SPATS2: variants seen among roughly 807,000 people sequenced by gnomAD.
SPATS2 encodes spermatogenesis-associated serine-rich protein 2.
In SPATS2, 38 loss-of-function variants were observed where a neutral mutation model predicts 63.7. The observed-to-expected ratio is 0.60, with a 90% CI of 0.46 to 0.78. SPATS2 has a LOEUF of 0.78. Among genes scored for constraint, SPATS2 ranks in the 30% least tolerant of loss-of-function variants. The pLI is 0.00. For synonymous variants in SPATS2, 207 were observed against 232.9 expected, an observed-to-expected ratio of 0.89 and a Z score of 1.01; for missense variants, 588 against 666.2, an observed-to-expected ratio of 0.88 and a Z score of 1.29.
intron 2 of SPATS2, among the ~76,000 whole-genome samples, chr12:49,403,975 TTGCTGGA>T (rs1944652255): frequency 6.6e-6 from 1 of 152,048 alleles, no homozygotes; most frequent in South Asian, 2.1e-4. Context: ...GAAACAGCTG[TTGCTGGA>T]TGTGAGACTT....
At chr12:49,372,837 G>A (rs1376914952) in intron 2 of SPATS2, among the ~76,000 whole-genome samples, 1 of 151,948 alleles carries the variant, frequency 6.6e-6, no homozygotes, top group African/African-American at 2.4e-5. Flanking sequence ...CTCCCTCCTT[G>A]TACAGTATGC....
chr12:49,503,721 C>T (rs772982411), intron 9 of SPATS2, among the ~76,000 whole-genome samples: 4 of 152,116 alleles, frequency 2.6e-5, no homozygotes, highest in African/African-American at 7.2e-5. Flanking sequence ...AGCCTCTGGT[C>T]TCCATGATTG....
At chr12:49,416,719 A>G (rs949033499) in intron 2 of SPATS2, among the ~76,000 whole-genome samples, 1 of 152,006 alleles carries the variant, frequency 6.6e-6, no homozygotes, top group Non-Finnish European at 1.5e-5. Flanking sequence ...CCCTGACCTC[A>G]AATGATTTGC....
intron 2 of SPATS2, among the ~76,000 whole-genome samples, chr12:49,414,675 GC>G (rs1366799466): frequency 6.6e-6 from 1 of 151,836 alleles, no homozygotes; most frequent in African/African-American, 2.4e-5. Context: ...TGTGATCATA[GC>G]TCACTGCAGC....
chr12:49,473,590 C>G (rs1946074800), intron 3 of SPATS2, among the ~76,000 whole-genome samples: 1 of 152,184 alleles, frequency 6.6e-6, no homozygotes, highest in South Asian at 2.1e-4. Flanking sequence ...CACCGTAACA[C>G]TTGTACAAGA....
intron 8 of SPATS2, among the ~76,000 whole-genome samples, chr12:49,497,426 A>G (rs1592458566): frequency 7.2e-6 from 1 of 139,028 alleles, no homozygotes; most frequent in African/African-American, 2.7e-5. Context: ...ACTGAGTCTC[A>G]CTTTGTCCCC....
intron 2 of SPATS2, among the ~76,000 whole-genome samples, chr12:49,426,874 A>C (rs1945087207): frequency 6.6e-6 from 1 of 152,150 alleles, no homozygotes; most frequent in Non-Finnish European, 1.5e-5. Context: ...AATGTGTTAC[A>C]ATTTATCCAT....
chr12:49,381,046 TTTGTTG>T (rs138097273), intron 2 of SPATS2, among the ~76,000 whole-genome samples: 29 of 151,448 alleles, frequency 1.9e-4, no homozygotes, highest in Middle Eastern at 3.4e-3. Flanking sequence ...CTTGTCAACA[TTTGTTG>T]TTGTTGTTGT....
At chr12:49,381,554 A>C (rs565406004) in intron 2 of SPATS2, among the ~76,000 whole-genome samples, 1 of 152,300 alleles carries the variant, frequency 6.6e-6, no homozygotes, top group East Asian at 1.9e-4. Flanking sequence ...GTATATTATC[A>C]ATGTTTAATT....
chr12:49,519,736 C>T (rs1946907396), intron 11 of SPATS2, among the ~76,000 whole-genome samples: 1 of 152,116 alleles, frequency 6.6e-6, no homozygotes, highest in Non-Finnish European at 1.5e-5. Context: ...AGGCTGGAGG[C>T]TTCTACACTC....
chr12:49,457,315 C>G (rs544937528), intron 2 of SPATS2, among the ~76,000 whole-genome samples: 16 of 152,180 alleles, frequency 1.1e-4, no homozygotes, highest in African/African-American at 3.9e-4. Context: ...ATGTGGATAG[C>G]TCTGTTTGCA....
intron 7 of SPATS2, among the ~76,000 whole-genome samples, chr12:49,495,225 G>A (rs940615841): frequency 6.6e-6 from 1 of 151,870 alleles, no homozygotes; most frequent in South Asian, 2.1e-4. Flanking sequence ...ATGGAATCTC[G>A]CTGTGTCGCC....
chr12:49,430,312 G>A (rs568111355), intron 2 of SPATS2, among the ~76,000 whole-genome samples: 67 of 151,826 alleles, frequency 4.4e-4, no homozygotes, highest in African/African-American at 1.5e-3. Context: ...ATGTTGGCCA[G>A]GCTGGTCTCG....
chr12:49,369,394 A>G (rs867818483), intron 1 of SPATS2, among the ~76,000 whole-genome samples: 4 of 152,166 alleles, frequency 2.6e-5, no homozygotes, highest in African/African-American at 9.7e-5. Context: ...TGTATGTATT[A>G]TCTCATTCAA....
intron 6 of SPATS2, among the ~76,000 whole-genome samples, chr12:49,493,060 TG>T (rs1341139566): frequency 6.7e-6 from 1 of 148,716 alleles, no homozygotes; most frequent in Non-Finnish European, 1.5e-5. Flanking sequence ...ATTGCACCAT[TG>T]CACTCCAGCC....
At chr12:49,514,724 A>T in intron 10 of SPATS2, 111 bp downstream of exon 10, 1 of 928,950 alleles carries the variant, frequency 1.1e-6, no homozygotes, top group Non-Finnish European at 1.6e-6. Flanking sequence ...GAGTTTATAT[A>T]TTTAAATAAT....
At chr12:49,471,965 G>A (rs544240185) in intron 3 of SPATS2, among the ~76,000 whole-genome samples, 2 of 152,112 alleles carry the variant, frequency 1.3e-5, no homozygotes, top group African/African-American at 2.4e-5. Context: ...GTGAGACCCT[G>A]TCTCTACAAA....
intron 2 of SPATS2, among the ~76,000 whole-genome samples, chr12:49,423,792 T>C (rs1368145911): frequency 6.6e-6 from 1 of 152,234 alleles, no homozygotes; most frequent in East Asian, 1.9e-4. Context: ...TATTGTTTTT[T>C]TCTGAGAAAC....
intron 2 of SPATS2, among the ~76,000 whole-genome samples, chr12:49,428,817 G>A (rs1442728537): frequency 2.0e-5 from 3 of 152,152 alleles, no homozygotes; most frequent in African/African-American, 7.2e-5. Flanking sequence ...GCCTGGTTTT[G>A]TTTTTGCCTA....
Sources: gnomAD v4.1 joint callset for allele counts (sites outside exome capture counted in the v4.1 genomes callset) on GRCh38, gnomAD v4.1.1 for gene constraint, MANE v1.5 for transcripts, NCBI Gene and HGNC (gene_info 2026-07-23, HGNC 2026-07-21) for gene names.